The following TENM4 variants were observed in gnomAD, a reference collection of about 807,000 sequenced individuals.
The protein encoded by TENM4 is teneurin-4.
Under a neutral mutation model 243.3 loss-of-function variants are expected in TENM4, and 82 were observed. The observed-to-expected ratio is 0.34, with a 90% CI of 0.28 to 0.40. TENM4 has a LOEUF of 0.40. Ranked by LOEUF, TENM4 falls within the 10% of genes least tolerant of loss-of-function variation. The pLI is 1.00. For missense variants in TENM4, 3,138 were observed against 3,673.3 expected (o/e 0.85, Z 3.77); for synonymous variants, 1,412 against 1,456.3 (o/e 0.97, Z 0.69).
intron 2 of TENM4, among the ~76,000 whole-genome samples, chr11:79,296,763 T>G (rs968378687): frequency 6.6e-6 from 1 of 152,216 alleles, no homozygotes; most frequent in Non-Finnish European, 1.5e-5. Flanking sequence ...CTTTGCAAAA[T>G]GGCAGGAACA....
chr11:78,912,054 G>A (rs1326528310), intron 6 of TENM4, among the ~76,000 whole-genome samples: 1 of 152,148 alleles, frequency 6.6e-6, no homozygotes, highest in East Asian at 1.9e-4. Context: ...GGGAGCAAGA[G>A]GGCATTCTAG....
intron 6 of TENM4, among the ~76,000 whole-genome samples, chr11:78,904,537 G>A (rs1263086095): frequency 1.3e-5 from 2 of 151,948 alleles, no homozygotes; most frequent in African/African-American, 4.8e-5. Context: ...GCTGGGGTCC[G>A]GTGGTTAAAA....
intron 3 of TENM4, among the ~76,000 whole-genome samples, chr11:79,176,834 A>G (rs1423886195): frequency 6.6e-6 from 1 of 152,238 alleles, no homozygotes; most frequent in Admixed American, 6.5e-5. Flanking sequence ...AGCACAGACC[A>G]AAGAATGCAT....
intron 1 of TENM4, among the ~76,000 whole-genome samples, chr11:79,316,627 G>A (rs1268889480): frequency 2.6e-5 from 4 of 152,082 alleles, no homozygotes; most frequent in African/African-American, 4.8e-5. Context: ...TATATGTTTC[G>A]ATGTATGTTG....
chr11:78,748,352 G>C (rs912954153), intron 19 of TENM4, among the ~76,000 whole-genome samples: 5 of 152,214 alleles, frequency 3.3e-5, no homozygotes, highest in Non-Finnish European at 7.3e-5. Context: ...TAAGAGACTT[G>C]TCTAAGGTCA....
chr11:78,753,681 CAA>C, intron 19 of TENM4, among the ~76,000 whole-genome samples: 1 of 151,812 alleles, frequency 6.6e-6, no homozygotes. Flanking sequence ...ATGATTCTGG[CAA>C]ATGTTAGGTA....
At chr11:78,824,510 T>TG (rs1857808130) in intron 12 of TENM4, among the ~76,000 whole-genome samples, 1 of 151,248 alleles carries the variant, frequency 6.6e-6, no homozygotes, top group Admixed American at 6.6e-5. Flanking sequence ...TTTCTTTTTT[T>TG]TTTTTTTTGG....
intron 6 of TENM4, among the ~76,000 whole-genome samples, chr11:78,925,027 T>C (rs778338710): frequency 2.6e-5 from 4 of 152,220 alleles, no homozygotes; most frequent in Admixed American, 6.5e-5. Flanking sequence ...AAAAGTAATT[T>C]CATACACGTC....
At chr11:79,147,080 G>C (rs72935341) in intron 4 of TENM4, among the ~76,000 whole-genome samples, 8,393 of 152,176 alleles carry the variant, frequency 0.055, 338 homozygotes, top group Non-Finnish European at 0.078. Context: ...AGTGGGGCTG[G>C]ACTCTACAGG....
rs147927801 is a variant in TENM4 at position 78,917,226 on chromosome 11, G to A, written c.494-13703C>T. Among the ~76,000 whole-genome samples, 802 of 152,300 alleles carry A rather than the reference G, an allele frequency of 5.3e-3. 11 individuals carry two copies. The highest frequency in any genetic ancestry group is 0.018 in the African/African-American group (768 of 41,554). On this transcript the variant is annotated intron_variant, in intron 6 of 33. Coordinates refer to ENST00000278550, the MANE Select transcript of TENM4 (RefSeq NM_001098816.3). ...CTACACAGCTTGCCCAGGTGGCAGAGCCCATAAACAGAGACTCCAAATGCA... is the reference window on the plus strand; with the variant it reads ...CTACACAGCTTGCCCAGGTGGCAGAACCCATAAACAGAGACTCCAAATGCA...
At chr11:79,020,507 G>C (rs1462462805) in intron 6 of TENM4, among the ~76,000 whole-genome samples, 1 of 152,062 alleles carries the variant, frequency 6.6e-6, no homozygotes, top group Admixed American at 6.5e-5. Flanking sequence ...CCAACAAACT[G>C]ATTAAATATC....
At chr11:79,157,297 C>A (rs760104961) in intron 3 of TENM4, among the ~76,000 whole-genome samples, 6 of 152,124 alleles carry the variant, frequency 3.9e-5, no homozygotes, top group Non-Finnish European at 8.8e-5. Context: ...TCTTTGTGAA[C>A]CTATTCCCTT....
intron 1 of TENM4, among the ~76,000 whole-genome samples, chr11:79,378,272 C>T (rs939023693): frequency 6.6e-6 from 1 of 152,134 alleles, no homozygotes; most frequent in African/African-American, 2.4e-5. Flanking sequence ...CCTGTAGGGG[C>T]CAATGGAGTA....
chr11:78,996,335 C>G (rs1049263121), intron 6 of TENM4, among the ~76,000 whole-genome samples: 5 of 152,056 alleles, frequency 3.3e-5, no homozygotes. Context: ...GTGGAAAAAC[C>G]ACATGGAGAG....
chr11:78,879,185 C>T (rs182366974), intron 9 of TENM4, among the ~76,000 whole-genome samples: 25 of 150,510 alleles, frequency 1.7e-4, no homozygotes, highest in South Asian at 4.2e-4. Flanking sequence ...AGCGCCTCTG[C>T]CCAGCCGCCA....
chr11:78,830,469 G>C (rs1040241249), intron 12 of TENM4, among the ~76,000 whole-genome samples: 1 of 152,200 alleles, frequency 6.6e-6, no homozygotes, highest in East Asian at 1.9e-4. Flanking sequence ...AGGCTTCAAA[G>C]GAATGTAACG....
chr11:78,939,422 T>C (rs1431836425), intron 6 of TENM4, among the ~76,000 whole-genome samples: 1 of 152,250 alleles, frequency 6.6e-6, no homozygotes, highest in Non-Finnish European at 1.5e-5. Context: ...GGAAGGAACA[T>C]GGTATTAGCA....
intron 6 of TENM4, among the ~76,000 whole-genome samples, chr11:78,922,308 C>T (rs534183621): frequency 1.8e-4 from 27 of 152,170 alleles, no homozygotes; most frequent in African/African-American, 6.5e-4. Flanking sequence ...TTTCAAAAGC[C>T]AATTAATTTA....
intron 4 of TENM4, among the ~76,000 whole-genome samples, chr11:79,126,445 T>C (rs1054406191): frequency 3.9e-5 from 6 of 152,180 alleles, no homozygotes; most frequent in Admixed American, 6.5e-5. Context: ...GATCCCAAGG[T>C]GGCAGGGGCC....
Sources: allele counts gnomAD v4.1 joint callset (sites outside exome capture counted in the v4.1 genomes callset), GRCh38; gene constraint gnomAD v4.1.1; transcripts MANE v1.5; gene names NCBI Gene and HGNC (gene_info 2026-07-23, HGNC 2026-07-21).